The following KCNIP1 variants were observed in gnomAD, a reference collection of about 807,000 sequenced individuals.
KCNIP1 encodes A-type potassium channel modulatory protein KCNIP1.
A neutral mutation model predicts 33.0 loss-of-function variants in KCNIP1; 18 were observed. The observed-to-expected ratio is 0.55, with a 90% confidence interval of 0.38 to 0.81. The LOEUF (loss-of-function observed/expected upper bound fraction) is 0.81, where lower values mean the gene tolerates loss of function less well. Among genes scored for constraint, KCNIP1 ranks in the 30% least tolerant of loss-of-function variants. KCNIP1 has a pLI of 0.00. For missense variants in KCNIP1, 238 were observed against 271.6 expected (o/e 0.88, Z 0.87); for synonymous variants, 93 against 98.3 (o/e 0.95, Z 0.32).
chr5:170,501,428 G>A (rs1172830676), upstream of KCNIP1, among the ~76,000 whole-genome samples: 2 of 152,132 alleles, frequency 1.3e-5, no homozygotes, highest in African/African-American at 4.8e-5. Flanking sequence ...GAAGCCACAG[G>A]CCACAAAAAA....
chr5:170,426,753 A>G (rs1755624213), intron 1 of KCNIP1, among the ~76,000 whole-genome samples: 1 of 152,270 alleles, frequency 6.6e-6, no homozygotes, highest in Non-Finnish European at 1.5e-5. Flanking sequence ...GCAGCAGCCA[A>G]GAAAGAACTT....
At chr5:170,572,518 C>T (rs1240150719) in intron 1 of KCNIP1, among the ~76,000 whole-genome samples, 1 of 152,196 alleles carries the variant, frequency 6.6e-6, no homozygotes, top group Non-Finnish European at 1.5e-5. Context: ...GACTAGGCAG[C>T]GCTTAAAAGA....
chr5:170,499,912 G>A (rs1430553552), upstream of KCNIP1, among the ~76,000 whole-genome samples: 3 of 152,214 alleles, frequency 2.0e-5, no homozygotes, highest in East Asian at 5.8e-4. Flanking sequence ...ATGGCAGAAG[G>A]AAGGCCTTGC....
chr5:170,625,804 C>T (rs534780820), intron 1 of KCNIP1, among the ~76,000 whole-genome samples: 3 of 152,206 alleles, frequency 2.0e-5, no homozygotes, highest in South Asian at 4.2e-4. Context: ...GTGTTAGAAA[C>T]GCGGTAAAAC....
At chr5:170,442,164 C>T (rs1013808297) in intron 1 of KCNIP1, among the ~76,000 whole-genome samples, 1 of 152,042 alleles carries the variant, frequency 6.6e-6, no homozygotes, top group African/African-American at 2.4e-5. Flanking sequence ...GAGTCAAATC[C>T]CAGCTTGGCC....
At chr5:170,531,362 C>A (rs1049619779) in intron 1 of KCNIP1, among the ~76,000 whole-genome samples, 3 of 152,148 alleles carry the variant, frequency 2.0e-5, no homozygotes, top group Non-Finnish European at 4.4e-5. Flanking sequence ...ATTTCCAATA[C>A]CCTTCTCCAC....
intron 1 of KCNIP1, among the ~76,000 whole-genome samples, chr5:170,606,206 T>G (rs766820410): frequency 3.3e-5 from 5 of 152,228 alleles, no homozygotes; most frequent in Non-Finnish European, 7.3e-5. Context: ...GCTATAAATA[T>G]TCATGTACAA....
At chr5:170,425,543 C>G (rs1755594259) in intron 1 of KCNIP1, among the ~76,000 whole-genome samples, 1 of 152,148 alleles carries the variant, frequency 6.6e-6, no homozygotes, top group African/African-American at 2.4e-5. Flanking sequence ...GATCCATGCC[C>G]CCAACTCTGC....
intron 1 of KCNIP1, among the ~76,000 whole-genome samples, chr5:170,609,824 T>C (rs1759074303): frequency 6.6e-6 from 1 of 152,120 alleles, no homozygotes; most frequent in Admixed American, 6.6e-5. Flanking sequence ...ACCACTGCAC[T>C]CCAGCCTGGA....
intron 1 of KCNIP1, among the ~76,000 whole-genome samples, chr5:170,508,169 G>A (rs1028829780): frequency 2.6e-5 from 4 of 152,216 alleles, no homozygotes; most frequent in African/African-American, 7.2e-5. Flanking sequence ...TACAGGGGTG[G>A]CTGGGTTAGA....
intron 1 of KCNIP1, among the ~76,000 whole-genome samples, chr5:170,690,906 C>T (rs1307454679): frequency 6.6e-6 from 1 of 152,228 alleles, no homozygotes; most frequent in East Asian, 1.9e-4. Context: ...TGCACAACTT[C>T]CTTTGATTAA....
chr5:170,625,318 C>G (rs1759779581), intron 1 of KCNIP1, among the ~76,000 whole-genome samples: 1 of 152,138 alleles, frequency 6.6e-6, no homozygotes, highest in Non-Finnish European at 1.5e-5. Flanking sequence ...TCTCTGTGTT[C>G]CCAGACAACC....
intron 1 of KCNIP1, among the ~76,000 whole-genome samples, chr5:170,701,496 C>T (rs780682274): frequency 1.4e-4 from 21 of 152,194 alleles, no homozygotes; most frequent in Non-Finnish European, 2.5e-4. Flanking sequence ...AGCCCTGTGA[C>T]CTGCTAATGT....
intron 1 of KCNIP1, among the ~76,000 whole-genome samples, chr5:170,664,980 C>T (rs1479337686): frequency 6.6e-6 from 1 of 152,164 alleles, no homozygotes; most frequent in Non-Finnish European, 1.5e-5. Flanking sequence ...TGCTAGAAGT[C>T]TTTCCCTGTA....
intron 1 of KCNIP1, among the ~76,000 whole-genome samples, chr5:170,558,724 G>A (rs555582762): frequency 7.9e-4 from 121 of 152,292 alleles, no homozygotes; most frequent in African/African-American, 2.8e-3. Context: ...ATGGTCCCCC[G>A]GTCTATTATT....
chr5:170,672,913 A>G (rs1173171229), intron 1 of KCNIP1, among the ~76,000 whole-genome samples: 1 of 152,256 alleles, frequency 6.6e-6, no homozygotes, highest in Admixed American at 6.5e-5. Flanking sequence ...TAGCAATAAT[A>G]TGGTAAAGGA....
At chr5:170,429,256 C>T (rs1472627751) in intron 1 of KCNIP1, among the ~76,000 whole-genome samples, 2 of 152,044 alleles carry the variant, frequency 1.3e-5, no homozygotes, top group East Asian at 1.9e-4. Flanking sequence ...CTGGGCATGC[C>T]GTTGTCTCTG....
chr5:170,669,342 C>T (rs1209996233), intron 1 of KCNIP1, among the ~76,000 whole-genome samples: 1 of 152,188 alleles, frequency 6.6e-6, no homozygotes, highest in Non-Finnish European at 1.5e-5. Flanking sequence ...GTCCTTACTT[C>T]ATGAGACTAT....
At chr5:170,567,476 C>G (rs1214946969) in intron 1 of KCNIP1, among the ~76,000 whole-genome samples, 1 of 152,162 alleles carries the variant, frequency 6.6e-6, no homozygotes, top group Non-Finnish European at 1.5e-5. Flanking sequence ...AGTAGTCAGT[C>G]AGGAGATGAG....
Sources: allele counts gnomAD v4.1 joint callset (sites outside exome capture counted in the v4.1 genomes callset), GRCh38; gene constraint gnomAD v4.1.1; transcripts MANE v1.5; gene names NCBI Gene and HGNC (gene_info 2026-07-23, HGNC 2026-07-21).